CD247: variants seen among roughly 807,000 people sequenced by gnomAD.
CD247 encodes CD247 molecule, also known as T-cell surface glycoprotein CD3 zeta chain.
A neutral mutation model predicts 30.0 loss-of-function variants in CD247; 13 were observed. The ratio of observed to expected loss-of-function variants is 0.43; its 90% confidence interval spans 0.28 to 0.69. The LOEUF is 0.69. CD247 is among the 30% of genes least tolerant of loss of function. CD247 has a pLI of 0.16. For synonymous variants in CD247, 72 were observed against 80.0 expected, an observed-to-expected ratio of 0.90 and a Z score of 0.53; for missense variants, 193 against 212.6, an observed-to-expected ratio of 0.91 and a Z score of 0.57.
chr1:167,450,858 A>T (rs1652320105), intron 1 of CD247, among the ~76,000 whole-genome samples: 1 of 150,810 alleles, frequency 6.6e-6, no homozygotes, highest in Non-Finnish European at 1.5e-5. Flanking sequence ...GGTTGCAGTG[A>T]GCTGAGATCG....
At chr1:167,512,188 C>T (rs545955336) in intron 1 of CD247, among the ~76,000 whole-genome samples, 2 of 152,256 alleles carry the variant, frequency 1.3e-5, no homozygotes, top group African/African-American at 4.8e-5. Flanking sequence ...TCTGTTCTCA[C>T]CAACCGAAGT....
At chr1:167,511,080 G>T (rs978810816) in intron 1 of CD247, among the ~76,000 whole-genome samples, 2 of 152,120 alleles carry the variant, frequency 1.3e-5, no homozygotes, top group South Asian at 2.1e-4. Context: ...TGAACCCCAG[G>T]CTAAAATATG....
chr1:167,486,229 G>A (rs1654201723), intron 1 of CD247, among the ~76,000 whole-genome samples: 1 of 152,250 alleles, frequency 6.6e-6, no homozygotes, highest in African/African-American at 2.4e-5. Context: ...CCCCTCGGTT[G>A]TCAAATGAGA....
chr1:167,448,786 A>G (rs1346216539), intron 1 of CD247, among the ~76,000 whole-genome samples: 1 of 152,182 alleles, frequency 6.6e-6, no homozygotes, highest in African/African-American at 2.4e-5. Context: ...GCTTGAACCC[A>G]GGAGGTGGAG....
intron 1 of CD247, among the ~76,000 whole-genome samples, chr1:167,467,997 G>A (rs1038370465): frequency 6.6e-6 from 1 of 152,088 alleles, no homozygotes; most frequent in Non-Finnish European, 1.5e-5. Context: ...GTTCAGTGGC[G>A]AATAAATTCT....
chr1:167,441,349 G>A (rs991216476), intron 1 of CD247, among the ~76,000 whole-genome samples: 5 of 152,232 alleles, frequency 3.3e-5, no homozygotes, highest in African/African-American at 4.8e-5. Context: ...TCTGGTGCTC[G>A]GCTTCCCTTC....
At chr1:167,450,923 A>G (rs541697761) in intron 1 of CD247, among the ~76,000 whole-genome samples, 44 of 151,312 alleles carry the variant, frequency 2.9e-4, no homozygotes, top group South Asian at 1.2e-3. Flanking sequence ...AAAAAAAAAA[A>G]AAAAGAAAAG....
At chr1:167,482,955 G>C (rs1262599597) in intron 1 of CD247, among the ~76,000 whole-genome samples, 1 of 147,750 alleles carries the variant, frequency 6.8e-6, no homozygotes, top group South Asian at 2.2e-4. Context: ...ATCTGATCCA[G>C]TAACCACACA....
intron 1 of CD247, among the ~76,000 whole-genome samples, chr1:167,449,156 T>TTTTTTCTTTTTTC (rs71572460): frequency 1.8e-5 from 2 of 113,596 alleles, no homozygotes; most frequent in Non-Finnish European, 3.4e-5. Flanking sequence ...TTTCTTTTTT[T>TTTTTTCTTTTTTC]TTTTTTTTTT....
intron 1 of CD247, among the ~76,000 whole-genome samples, chr1:167,449,149 CTTTTTT>C (rs71097676): frequency 1.4e-4 from 9 of 66,420 alleles, no homozygotes; most frequent in African/African-American, 6.0e-4. Context: ...TTTTTCTTTT[CTTTTTT>C]TTTTTTTTTT....
intron 1 of CD247, among the ~76,000 whole-genome samples, chr1:167,503,772 G>A (rs891861844): frequency 2.0e-5 from 3 of 152,148 alleles, no homozygotes; most frequent in Non-Finnish European, 2.9e-5. Context: ...GAACCATGGG[G>A]CCAGGTGAGG....
intron 1 of CD247, among the ~76,000 whole-genome samples, chr1:167,482,736 C>T (rs900211208): frequency 9.9e-5 from 15 of 152,180 alleles, no homozygotes; most frequent in Non-Finnish European, 1.5e-5. Flanking sequence ...GGCTGTGTGC[C>T]TATTCACCTG....
rs376119777 is a variant in CD247 at position 167,510,563 on chromosome 1, C to T, written c.58+7845G>A. Among the ~76,000 whole-genome samples, 512 of 152,290 alleles carry T rather than the reference C, an allele frequency of 3.4e-3. 2 individuals carry two copies. Among genetic ancestry groups the T allele is most frequent in the Non-Finnish European group, 5.9e-3 (400 of 68,008 alleles). On this transcript the variant is annotated intron_variant, in intron 1 of 7. Transcript: ENST00000362089. ...GAACAGGTTGCAACCTCTACCCCCTCCCCCAGCCTGTCTTTTCTACTCTTT... is the reference window on the plus strand; with the variant it reads ...GAACAGGTTGCAACCTCTACCCCCTTCCCCAGCCTGTCTTTTCTACTCTTT...
chr1:167,440,857 A>G (rs553045991), intron 1 of CD247, 90 bp from the exon 2 acceptor site: 154 of 781,206 alleles, frequency 2.0e-4, no homozygotes, highest in Non-Finnish European at 3.2e-4. Context: ...CTGACTGACC[A>G]AATAAATCAT....
chr1:167,500,092 C>T (rs1395916321), intron 1 of CD247, among the ~76,000 whole-genome samples: 1 of 152,204 alleles, frequency 6.6e-6, no homozygotes, highest in African/African-American at 2.4e-5. Context: ...TTATGCTGCA[C>T]TGGAGAAATA....
intron 1 of CD247, among the ~76,000 whole-genome samples, chr1:167,510,341 G>A (rs572287408): frequency 8.5e-5 from 13 of 152,230 alleles, no homozygotes; most frequent in East Asian, 1.9e-4. Flanking sequence ...CACCACATGC[G>A]CCAGCATATG....
At chr1:167,464,861 G>T (rs1337369715) in intron 1 of CD247, among the ~76,000 whole-genome samples, 1 of 151,930 alleles carries the variant, frequency 6.6e-6, no homozygotes, top group Admixed American at 6.6e-5. Flanking sequence ...TACCGAAAAG[G>T]CCCCAAGATC....
intron 1 of CD247, among the ~76,000 whole-genome samples, chr1:167,447,367 T>C (rs1659354753): frequency 1.3e-5 from 2 of 152,086 alleles, no homozygotes; most frequent in South Asian, 2.1e-4. Context: ...AGGAGTTTCT[T>C]CTTTGGTAGG....
intron 1 of CD247, among the ~76,000 whole-genome samples, chr1:167,464,492 C>T (rs535769641): frequency 1.3e-5 from 2 of 152,272 alleles, no homozygotes; most frequent in African/African-American, 4.8e-5. Context: ...AGAAATAGTC[C>T]CCTAAGGAAA....
Sources: gnomAD v4.1 joint callset for allele counts (sites outside exome capture counted in the v4.1 genomes callset) on GRCh38, gnomAD v4.1.1 for gene constraint, MANE v1.5 for transcripts, NCBI Gene and HGNC (gene_info 2026-07-23, HGNC 2026-07-21) for gene names.